The following MCTP1 variants were observed in gnomAD, a reference collection of about 807,000 sequenced individuals.
MCTP1 encodes the protein multiple C2 and transmembrane domain-containing protein 1.
MCTP1 carries 69 observed loss-of-function variants against 120.6 expected under a neutral mutation model. That is an observed-to-expected ratio of 0.57 (90% CI 0.47 to 0.70). The LOEUF (loss-of-function observed/expected upper bound fraction) is 0.70. Ranked by LOEUF, MCTP1 falls within the 30% of genes least tolerant of loss-of-function variation. The pLI is 0.00. For missense variants in MCTP1, 1,203 were observed against 1,248.8 expected (o/e 0.96, Z 0.55); for synonymous variants, 529 against 493.1 (o/e 1.07, Z -0.96).
At chr5:95,166,769 G>A (rs1487659046) in intron 1 of MCTP1, among the ~76,000 whole-genome samples, 13 of 151,818 alleles carry the variant, frequency 8.6e-5, no homozygotes, top group Admixed American at 2.6e-4. Context: ...GGGTTTCACC[G>A]TGTTAGCCAG....
intron 19 of MCTP1, among the ~76,000 whole-genome samples, chr5:94,777,618 T>C (rs564006641): frequency 2.6e-5 from 4 of 152,218 alleles, no homozygotes; most frequent in African/African-American, 9.6e-5. Flanking sequence ...CGGCCATAAA[T>C]GGATGGCAGC....
At chr5:95,009,056 AAGAGAGAGAGAG>A (rs201724037) in intron 2 of MCTP1, among the ~76,000 whole-genome samples, 1,838 of 129,478 alleles carry the variant, frequency 0.014, 29 homozygotes, top group East Asian at 0.042. Context: ...GAGAGGGAGA[AAGAGAGAGAGAG>A]AGAGAGAGAG....
intron 19 of MCTP1, among the ~76,000 whole-genome samples, chr5:94,772,219 C>T (rs555147700): frequency 1.8e-4 from 28 of 152,198 alleles, no homozygotes; most frequent in South Asian, 1.5e-3. Context: ...CCTTGTAGAC[C>T]GCCCTGTGGT....
intron 17 of MCTP1, among the ~76,000 whole-genome samples, chr5:94,825,194 C>G (rs535756194): frequency 6.6e-6 from 1 of 152,308 alleles, no homozygotes; most frequent in Admixed American, 6.5e-5. Flanking sequence ...AAATTTCCCT[C>G]TAAACACTGC....
At chr5:94,769,721 TA>T (rs1773637217) in intron 19 of MCTP1, among the ~76,000 whole-genome samples, 1 of 152,156 alleles carries the variant, frequency 6.6e-6, no homozygotes, top group Non-Finnish European at 1.5e-5. Flanking sequence ...GGTCGATTTT[TA>T]AACTCTGGGA....
intron 17 of MCTP1, 172 bp downstream of exon 17, chr5:94,868,161 A>T: frequency 2.1e-6 from 1 of 487,278 alleles, no homozygotes; most frequent in East Asian, 3.6e-5. Context: ...TTAGACTCAG[A>T]CCTTGTACAA....
At chr5:95,239,847 T>C (rs1755963359) in intron 1 of MCTP1, among the ~76,000 whole-genome samples, 1 of 152,180 alleles carries the variant, frequency 6.6e-6, no homozygotes, top group African/African-American at 2.4e-5. Flanking sequence ...CTCCTCACAC[T>C]TTTTCTAACA....
intron 1 of MCTP1, among the ~76,000 whole-genome samples, chr5:95,156,698 C>G (rs892982023): frequency 2.0e-5 from 3 of 152,304 alleles, no homozygotes; most frequent in African/African-American, 7.2e-5. Flanking sequence ...CTTAAGAAAA[C>G]TGGGCTTATG....
intron 1 of MCTP1, among the ~76,000 whole-genome samples, chr5:95,099,644 G>C (rs1318283710): frequency 3.4e-5 from 5 of 148,450 alleles, no homozygotes; most frequent in Non-Finnish European, 7.5e-5. Context: ...AAAGGATGTG[G>C]AGAAATAGGA....
intron 17 of MCTP1, among the ~76,000 whole-genome samples, chr5:94,818,586 G>A (rs1157423609): frequency 6.6e-6 from 1 of 152,132 alleles, no homozygotes; most frequent in Non-Finnish European, 1.5e-5. Flanking sequence ...GTAGGTTAAG[G>A]GCTACAATTA....
At chr5:95,226,375 T>C (rs905169379) in intron 1 of MCTP1, among the ~76,000 whole-genome samples, 4 of 152,232 alleles carry the variant, frequency 2.6e-5, no homozygotes, top group Admixed American at 1.3e-4. Flanking sequence ...GCCTTGAACA[T>C]GTATTTTAGT....
intron 1 of MCTP1, among the ~76,000 whole-genome samples, chr5:95,231,117 TA>T (rs1407837482): frequency 2.0e-5 from 3 of 152,202 alleles, no homozygotes; most frequent in African/African-American, 7.2e-5. Flanking sequence ...GGACATTTCC[TA>T]AATGTCACTG....
chr5:94,953,385 A>C, intron 2 of MCTP1, 24 bp from the exon 3 acceptor site: 1 of 1,534,092 alleles, frequency 6.5e-7, no homozygotes, highest in Non-Finnish European at 8.8e-7. Flanking sequence ...AGATTGATCC[A>C]TGTTAATCAT....
chr5:94,717,228 A>C (rs574964588), intron 19 of MCTP1, among the ~76,000 whole-genome samples: 272 of 152,332 alleles, frequency 1.8e-3, no homozygotes, highest in African/African-American at 6.4e-3. Flanking sequence ...CAACATACAC[A>C]AATGAATAAA....
intron 1 of MCTP1, among the ~76,000 whole-genome samples, chr5:95,112,359 T>C (rs1005386190): frequency 6.6e-6 from 1 of 152,218 alleles, no homozygotes; most frequent in Non-Finnish European, 1.5e-5. Context: ...AAACTTTCCA[T>C]GGTATTTCTT....
chr5:95,263,370 C>T lies in MCTP1; in HGVS notation c.720+20486G>A, dbSNP rs541738929. The stretch of plus-strand genomic sequence containing the variant: ...AGTCTGTAGTTAGCATCTCATGCCT[C>T]CCTTCCCATGCACCTCCATTCAAAG... On this transcript the variant is annotated intron_variant, in intron 1 of 22. Transcript: ENST00000515393. 1.1e-3 allele frequency among the ~76,000 whole-genome samples: 172 copies of T among 152,260 alleles called. 2 individuals carry two copies. Among genetic ancestry groups the T allele is most frequent in the African/African-American group, 3.9e-3 (160 of 41,552 alleles).
chr5:95,274,826 T>C (rs578165480), intron 1 of MCTP1, among the ~76,000 whole-genome samples: 11 of 152,228 alleles, frequency 7.2e-5, no homozygotes, highest in African/African-American at 2.4e-4. Flanking sequence ...GGTTTCATCA[T>C]GTTAGCCAGG....
At chr5:94,928,853 A>G (rs1813817425) in intron 6 of MCTP1, among the ~76,000 whole-genome samples, 1 of 152,166 alleles carries the variant, frequency 6.6e-6, no homozygotes, top group South Asian at 2.1e-4. Context: ...AAAAGAAAAA[A>G]TAAGTTAGTC....
intron 1 of MCTP1, among the ~76,000 whole-genome samples, chr5:95,113,837 C>T (rs1159259802): frequency 2.0e-5 from 3 of 152,172 alleles, no homozygotes; most frequent in Non-Finnish European, 2.9e-5. Context: ...TCCACCTCTC[C>T]AGCAACCCCA....
Sources: allele counts gnomAD v4.1 joint callset (sites outside exome capture counted in the v4.1 genomes callset), GRCh38; gene constraint gnomAD v4.1.1; transcripts MANE v1.5; gene names NCBI Gene and HGNC (gene_info 2026-07-23, HGNC 2026-07-21).